Variants in C12orf50 observed in about 807,000 individuals in gnomAD.
C12orf50 encodes the protein uncharacterized protein C12orf50.
C12orf50 carries 35 observed loss-of-function variants against 61.6 expected under a neutral mutation model. The observed-to-expected ratio is 0.57, with a 90% CI of 0.43 to 0.75. The LOEUF is 0.75. Among genes scored for constraint, C12orf50 ranks in the 30% least tolerant of loss-of-function variants. C12orf50 has a pLI of 0.00. For missense variants in C12orf50, 475 were observed against 488.5 expected, an observed-to-expected ratio of 0.97 and a Z score of 0.26; for synonymous variants, 178 against 161.5, an observed-to-expected ratio of 1.10 and a Z score of -0.77.
At chr12:87,990,263 T>G (rs560333906) in intron 7 of C12orf50, among the ~76,000 whole-genome samples, 1 of 152,308 alleles carries the variant, frequency 6.6e-6, no homozygotes, top group African/African-American at 2.4e-5. Context: ...ACTGTAAATT[T>G]TATAAACATG....
At chr12:87,988,939 A>C (rs1160188076) in intron 8 of C12orf50, among the ~76,000 whole-genome samples, 1 of 152,170 alleles carries the variant, frequency 6.6e-6, no homozygotes. Flanking sequence ...CACAATGTTC[A>C]CAAACAACGT....
intron 1 of C12orf50, among the ~76,000 whole-genome samples, chr12:88,028,214 C>T (rs1022096532): frequency 1.3e-5 from 2 of 152,158 alleles, no homozygotes; most frequent in Non-Finnish European, 2.9e-5. Context: ...GTGAAATAGA[C>T]AAAACACTCT....
chr12:87,991,431 T>G (rs1319160029), intron 7 of C12orf50, among the ~76,000 whole-genome samples: 2 of 151,370 alleles, frequency 1.3e-5, no homozygotes, highest in African/African-American at 4.9e-5. Context: ...AAGTAGAAAA[T>G]CAATAAGAAG....
intron 12 of C12orf50, among the ~76,000 whole-genome samples, chr12:87,980,791 C>T (rs2030425683): frequency 1.3e-5 from 2 of 152,158 alleles, no homozygotes; most frequent in South Asian, 4.1e-4. Context: ...TCTATTATTG[C>T]ATTATCCCCA....
intron 4 of C12orf50, among the ~76,000 whole-genome samples, chr12:87,997,058 C>A (rs772801718): frequency 3.3e-5 from 5 of 152,120 alleles, no homozygotes; most frequent in Non-Finnish European, 7.4e-5. Flanking sequence ...AAAGACAGAT[C>A]GAGAGTTTTT....
Position 87,980,173 on chromosome 12 carries a change from G to A in C12orf50, c.*158C>T. 1 of 686,346 alleles carries A rather than the reference G, an allele frequency of 1.5e-6. No homozygotes were observed. Among genetic ancestry groups the A allele is most frequent in the South Asian group, 1.9e-5 (1 of 52,742 alleles). 42.5% of individuals were successfully genotyped at this position (686,346 alleles called of 1,614,324 possible). On this transcript the variant is annotated 3_prime_UTR_variant, in exon 13 of 13. Transcript: ENST00000298699. Reference sequence around the variant, plus strand: ...TTTGAAAGAGCACAATGTACTTCCTGCATCTTATTTTCAGAATTTGCATTT... The same window carrying A: ...TTTGAAAGAGCACAATGTACTTCCTACATCTTATTTTCAGAATTTGCATTT...
In C12orf50 at chr12:87,986,431, A is replaced by C. The variant is rs780374629; in HGVS notation, c.818-15T>G. On this transcript the variant is annotated splice_polypyrimidine_tract_variant and intron_variant, in intron 9 of 12. Transcript: ENST00000298699. ...GACATCATTCACTTAGAAAAGATAC[A>C]AATTTTACAATTTTTTAAGAGATGC... is the stretch of plus-strand genomic sequence containing the variant. 5 of 1,571,890 alleles carry C rather than the reference A, an allele frequency of 3.2e-6. No individual in the cohort carries two copies. The East Asian group carries it at 1.1e-4, about 35-fold the overall frequency.
At position 87,996,495 on chromosome 12, in the gene C12orf50, A is replaced by G; in HGVS notation, c.368-8T>C. On this transcript the variant is annotated splice_region_variant and splice_polypyrimidine_tract_variant and intron_variant, in intron 5 of 12. Coordinates refer to ENST00000298699, the MANE Select transcript of C12orf50 (RefSeq NM_152589.3). ...GAAATCTGTAGTATTCCCCTAATCA[A>G]CCATAAGAAAAGTAATGGTTAGTAT... 6.2e-7 allele frequency: 1 copy of G among 1,603,808 alleles called. No individual in the cohort carries two copies. The highest frequency in any genetic ancestry group is 8.5e-7 in the Non-Finnish European group (1 of 1,171,116).
At position 87,989,249 on chromosome 12, in the gene C12orf50, T is replaced by C; in HGVS notation, c.700+15A>G. 6.5e-7 allele frequency: 1 copy of C among 1,536,594 alleles called. No individual in the cohort carries two copies. Among genetic ancestry groups the C allele is most frequent in the South Asian group, 1.2e-5 (1 of 86,452 alleles). ...CCAAATTACAAATGAATCAAAATTA[T>C]ATAATATTCATTACCTTTAGTATTT... On this transcript the variant is annotated intron_variant, in intron 8 of 12. Coordinates refer to ENST00000298699, the MANE Select transcript of C12orf50 (RefSeq NM_152589.3).
chr12:88,021,379 A>T (rs1194194806), intron 3 of C12orf50, among the ~76,000 whole-genome samples: 1 of 152,098 alleles, frequency 6.6e-6, no homozygotes, highest in Non-Finnish European at 1.5e-5. Flanking sequence ...GCTCACGCCT[A>T]TAATCCCAGC....
chr12:87,981,542 C>A (rs2030469916), intron 12 of C12orf50, among the ~76,000 whole-genome samples: 1 of 152,150 alleles, frequency 6.6e-6, no homozygotes, highest in Admixed American at 6.6e-5. Context: ...GTTTAGTTAA[C>A]AAGGATTTGG....
chr12:88,000,723 T>C (rs954899471), intron 3 of C12orf50, among the ~76,000 whole-genome samples: 3 of 151,086 alleles, frequency 2.0e-5, no homozygotes, highest in Non-Finnish European at 3.0e-5. Flanking sequence ...CAATCTTTTG[T>C]AGTTTTCGAA....
At chr12:88,019,981 A>G (rs1298484778) in intron 3 of C12orf50, among the ~76,000 whole-genome samples, 1 of 152,234 alleles carries the variant, frequency 6.6e-6, no homozygotes, top group African/African-American at 2.4e-5. Context: ...TTTTCAGACA[A>G]GCAAGTGCTG....
intron 11 of C12orf50, chr12:87,984,942 A>T (rs949230427): frequency 3.3e-5 from 5 of 152,124 alleles, no homozygotes; most frequent in African/African-American, 1.2e-4. Flanking sequence ...TTCACCTAAG[A>T]ATATCCTTAT....
intron 1 of C12orf50, among the ~76,000 whole-genome samples, chr12:88,027,468 T>C (rs2032750566): frequency 6.6e-6 from 1 of 152,224 alleles, no homozygotes; most frequent in Non-Finnish European, 1.5e-5. Flanking sequence ...ATTCTAATTG[T>C]GAAAATGATT....
intron 3 of C12orf50, among the ~76,000 whole-genome samples, chr12:87,998,893 C>T (rs1228427490): frequency 2.0e-5 from 3 of 152,112 alleles, no homozygotes; most frequent in East Asian, 1.9e-4. Context: ...GTTGCCGGGA[C>T]GACTAGATTG....
chr12:87,989,218 G>T, intron 8 of C12orf50, 46 bp downstream of exon 8: 2 of 1,370,932 alleles, frequency 1.5e-6, no homozygotes, highest in Non-Finnish European at 2.0e-6. Context: ...TCTTTAACTT[G>T]CCTAGCCAAA....
In C12orf50 at chr12:87,987,974, A is replaced by G; in HGVS notation, c.701-8T>C. 1 of 1,530,058 alleles carries G rather than the reference A, an allele frequency of 6.5e-7. No homozygotes were observed. Among genetic ancestry groups the G allele is most frequent in the African/African-American group, 1.4e-5 (1 of 72,814 alleles). The allele number at this position is 1,530,058 out of a possible 1,614,324, so 94.8% of individuals were successfully genotyped here. A position where few individuals can be genotyped will look rare whatever the true frequency, so the allele number is the denominator to read the frequency against. On this transcript the variant is annotated splice_polypyrimidine_tract_variant and splice_region_variant and intron_variant, in intron 8 of 12. Coordinates refer to ENST00000298699, the MANE Select transcript of C12orf50 (RefSeq NM_152589.3). ...GAGGACTGTCCTTGTTATCTTTTAA[A>G]GCAAATTAAGAAAATAAAATGTCAA...
chr12:87,987,802 TA>T, intron 9 of C12orf50, 47 bp downstream of exon 9: 1 of 1,185,872 alleles, frequency 8.4e-7, no homozygotes, highest in Non-Finnish European at 1.2e-6. Context: ...AAATCCATGG[TA>T]AGACAAATAT....
Sources: allele counts gnomAD v4.1 joint callset (sites outside exome capture counted in the v4.1 genomes callset), GRCh38; gene constraint gnomAD v4.1.1; transcripts MANE v1.5; gene names NCBI Gene and HGNC (gene_info 2026-07-23, HGNC 2026-07-21).